ARHGAP23: variants seen among roughly 807,000 people sequenced by gnomAD.
The protein encoded by ARHGAP23 is Rho GTPase activating protein 23.
A neutral mutation model predicts 136.3 loss-of-function variants in ARHGAP23; 34 were observed. That is an observed-to-expected ratio of 0.25 (90% CI 0.19 to 0.33). The LOEUF (loss-of-function observed/expected upper bound fraction) is 0.33. Ranked by LOEUF, ARHGAP23 falls within the 10% of genes least tolerant of loss-of-function variation. ARHGAP23 has a pLI of 1.00. For synonymous variants in ARHGAP23, 832 were observed against 920.5 expected (o/e 0.90, Z 1.74); for missense variants, 1,808 against 2,139.0 (o/e 0.85, Z 3.05).
Position 38,491,487 on chromosome 17 carries a change from C to T in ARHGAP23, c.3231C>T (p.Thr1077=). Residue 1077 remains threonine (T), a synonymous_variant, in exon 20 of 24, where the codon ACC becomes ACT. Transcript: ENST00000622683. ...TSEDNMTDMV[T]HMPDRYKIVE... The stretch of plus-strand genomic sequence containing the variant: ...AGGACAACATGACAGACATGGTGAC[C>T]CACATGCCTGACCGCTACAAGATCG... The T allele has an allele frequency of 6.5e-7, 1 of 1,549,578 alleles. No homozygotes were observed. Among genetic ancestry groups the T allele is most frequent in the African/African-American group, 1.4e-5 (1 of 73,088 alleles).
intron 23 of ARHGAP23, among the ~76,000 whole-genome samples, chr17:38,507,003 G>T (rs1406522014): frequency 1.3e-5 from 2 of 152,162 alleles, no homozygotes; most frequent in Non-Finnish European, 2.9e-5. Flanking sequence ...GGGCGCAGTG[G>T]CTGATGCCTG....
intron 11 of ARHGAP23, among the ~76,000 whole-genome samples, chr17:38,473,763 G>C (rs1157222450): frequency 6.6e-6 from 1 of 152,046 alleles, no homozygotes; most frequent in Admixed American, 6.6e-5. Context: ...AGACAGTGGA[G>C]GGGCCTGACA....
At position 38,466,469 on chromosome 17, in the gene ARHGAP23, G is replaced by A. The variant is rs1041516607; in HGVS notation, c.786G>A (p.Ser262=). ...PSPGAFPHLS[S]EPRTPRAFPE... Reference sequence around the variant, plus strand: ...CTGGTGCCTTCCCCCACCTCTCCTCGGAGCCCCGGACGCCCCGTGCCTTCC... The same window carrying A: ...CTGGTGCCTTCCCCCACCTCTCCTCAGAGCCCCGGACGCCCCGTGCCTTCC... The change falls in exon 7 of 24, where the codon TCG becomes TCA. Residue 262 remains serine, a synonymous_variant. Transcript: ENST00000622683. 129 of 1,519,412 alleles carry A rather than the reference G, an allele frequency of 8.5e-5. No homozygotes were observed. In the East Asian group the frequency reaches 2.4e-3, roughly 29 times the overall value. 94.1% of individuals were successfully genotyped at this position (1,519,412 alleles called of 1,614,324 possible).
chr17:38,502,242 G>C (rs1447782254), intron 23 of ARHGAP23, among the ~76,000 whole-genome samples: 1 of 152,206 alleles, frequency 6.6e-6, no homozygotes. Flanking sequence ...GGAAGAGGAG[G>C]TTGCAGTGAG....
intron 17 of ARHGAP23, among the ~76,000 whole-genome samples, chr17:38,488,561 T>C (rs2040205408): frequency 6.6e-6 from 1 of 152,246 alleles, no homozygotes; most frequent in Non-Finnish European, 1.5e-5. Context: ...TTTGTTTTGT[T>C]TTTTGAGACA....
chr17:38,485,008 G>C (rs934875207), intron 16 of ARHGAP23, among the ~76,000 whole-genome samples: 1 of 152,140 alleles, frequency 6.6e-6, no homozygotes, highest in African/African-American at 2.4e-5. Flanking sequence ...CATTCCCAGC[G>C]AGGCGGCTGT....
rs1049202572 is a variant in ARHGAP23 at position 38,510,683 on chromosome 17, C to T, written c.4187C>T (p.Thr1396Ile). 3 of 1,413,430 alleles carry T rather than the reference C, an allele frequency of 2.1e-6. No individual in the cohort carries two copies. In the African/African-American group the frequency reaches 4.6e-5, roughly 22 times the overall value. 87.6% of individuals were successfully genotyped at this position (1,413,430 alleles called of 1,614,324 possible). The stretch of plus-strand genomic sequence containing the variant: ...CTGCGGCGGCCGCTGTCGCCCGAGA[C>T]CCGGCGGCGCCGGAGCAGCTGGCGC... ...VRLRRPLSPE[T>I]RRRRSSWRRH... Residue 1396 changes from threonine (T) to isoleucine (I), a missense_variant, in exon 24 of 24, where the codon ACC becomes ATC. Around this residue, in one of 7 missense-constraint regions of ARHGAP23, gnomAD observed 506 missense variants for 455.8 expected, o/e 1.11. Coordinates refer to ENST00000622683, the MANE Select transcript of ARHGAP23 (RefSeq NM_001199417.2). The surrounding 1 kb of genome is among the most constrained non-coding windows in gnomAD (Gnocchi z 4.6).
intron 1 of ARHGAP23, among the ~76,000 whole-genome samples, chr17:38,431,285 G>GC (rs551895299): frequency 5.3e-5 from 8 of 152,146 alleles, no homozygotes; most frequent in Non-Finnish European, 1.0e-4. Context: ...CCCCATGCTA[G>GC]CCCATAGCAC....
intron 1 of ARHGAP23, among the ~76,000 whole-genome samples, chr17:38,455,590 G>A (rs910448277): frequency 6.6e-6 from 1 of 152,166 alleles, no homozygotes; most frequent in Non-Finnish European, 1.5e-5. Flanking sequence ...GCCACTTCTC[G>A]TCACTGGGGC....
intron 17 of ARHGAP23, among the ~76,000 whole-genome samples, chr17:38,486,655 G>A (rs867775888): frequency 6.6e-6 from 1 of 151,478 alleles, no homozygotes. Context: ...ACGGGAGGTT[G>A]TGGCTAACAC....
In ARHGAP23 at chr17:38,473,371, G is replaced by T. The variant is rs111898546; in HGVS notation, c.2118+1365G>T. Among the ~76,000 whole-genome samples the T allele has an allele frequency of 8.4e-4, 128 of 152,238 alleles. 1 individual carries two copies. Among genetic ancestry groups the T allele is most frequent in the African/African-American group, 3.0e-3 (123 of 41,546 alleles). On this transcript the variant is annotated intron_variant, in intron 11 of 23. Coordinates refer to ENST00000622683, the MANE Select transcript of ARHGAP23 (RefSeq NM_001199417.2). ...TCCTATCCGGCCACATATCAAGCACGTGGCTTTGGGCACCCCACTTACCTT... is the reference window on the plus strand; with the variant it reads ...TCCTATCCGGCCACATATCAAGCACTTGGCTTTGGGCACCCCACTTACCTT...
chr17:38,427,467 A>C (rs962716569), upstream of ARHGAP23, among the ~76,000 whole-genome samples: 1 of 151,330 alleles, frequency 6.6e-6, no homozygotes, highest in Non-Finnish European at 1.5e-5. Context: ...CTGCCGAAAA[A>C]AAAAAAAGGA....
At chr17:38,426,664 G>A (rs578144294), upstream of ARHGAP23, among the ~76,000 whole-genome samples, 79 of 152,192 alleles carry the variant, frequency 5.2e-4, no homozygotes, top group Non-Finnish European at 1.0e-3. Context: ...TGATAAAAAG[G>A]GATGAGGAAG....
In ARHGAP23 at chr17:38,510,314, A is replaced by G. The variant is rs1332967690; in HGVS notation, c.3818A>G (p.Asp1273Gly). The G allele has an allele frequency of 1.6e-6, 2 of 1,277,030 alleles. No homozygotes were observed. Among genetic ancestry groups the G allele is most frequent in the Non-Finnish European group, 2.0e-6 (2 of 1,013,022 alleles). 79.1% of individuals were successfully genotyped at this position (1,277,030 alleles called of 1,614,324 possible). The change falls in exon 24 of 24, where the codon GAT (aspartate) becomes GGT (glycine). Residue 1273 changes from aspartate to glycine, a missense_variant. Asp to Gly is a moderately conservative substitution (Grantham distance 94). Transcript: ENST00000622683. The surrounding 1 kb of genome is among the most constrained non-coding windows in gnomAD (Gnocchi z 4.6). ...AGCGGTCGGCGGGCAGGGGCGGGGG[A>G]TGAGGCGGACGACGAGCGTAGCGAG... ...GASGRRAGAG[D>G]EADDERSELS...
chr17:38,444,874 A>AT (rs1186581137), intron 1 of ARHGAP23, among the ~76,000 whole-genome samples: 2 of 151,604 alleles, frequency 1.3e-5, no homozygotes, highest in Admixed American at 6.6e-5. Flanking sequence ...CTGGAGTGCA[A>AT]TGGCGTGATC....
At chr17:38,436,084 C>T (rs11078989) in intron 1 of ARHGAP23, among the ~76,000 whole-genome samples, 75,788 of 151,982 alleles carry the variant, frequency 0.5, 21,688 homozygotes, top group African/African-American at 0.8. Flanking sequence ...GGCACTGTGC[C>T]CCTCCCACAC....
Position 38,428,564 on chromosome 17 carries a change from C to A in ARHGAP23, c.63+16C>A. Reference sequence around the variant, plus strand: ...GCCCCCACAGGTGAGGGTGCTGGGCCAGGGAAGTGGGCGGGGCCGGTAGCT... The same window carrying A: ...GCCCCCACAGGTGAGGGTGCTGGGCAAGGGAAGTGGGCGGGGCCGGTAGCT... On this transcript the variant is annotated intron_variant, in intron 1 of 23. Coordinates refer to ENST00000622683, the MANE Select transcript of ARHGAP23 (RefSeq NM_001199417.2). 7.1e-7 allele frequency: 1 copy of A among 1,413,854 alleles called. No individual in the cohort carries two copies. The highest frequency in any genetic ancestry group is 1.5e-5 in the South Asian group (1 of 68,666). 87.6% of individuals were successfully genotyped at this position (1,413,854 alleles called of 1,614,324 possible). A position where few individuals can be genotyped will look rare whatever the true frequency, so the allele number is the denominator to read the frequency against.
intron 22 of ARHGAP23, chr17:38,498,994 G>A (rs1352784029): frequency 7.1e-6 from 5 of 699,748 alleles, no homozygotes; most frequent in East Asian, 2.7e-5. Flanking sequence ...TAACAGTGGC[G>A]GGTGATTATA....
chr17:38,475,012 C>G (rs1451065813), intron 11 of ARHGAP23, among the ~76,000 whole-genome samples: 1 of 152,226 alleles, frequency 6.6e-6, no homozygotes, highest in African/African-American at 2.4e-5. Flanking sequence ...GAGCTGTCCC[C>G]TTCCTGCTCA....
Sources: gnomAD v4.1 joint callset for allele counts (sites outside exome capture counted in the v4.1 genomes callset) on GRCh38, gnomAD v4.1.1 for gene constraint, gnomAD v4.1.1 regional missense constraint, Gnocchi (gnomAD v3.1) non-coding constraint, MANE v1.5 for transcripts, NCBI Gene and HGNC (gene_info 2026-07-23, HGNC 2026-07-21) for gene names.